NUBPL: variants seen among roughly 807,000 people sequenced by gnomAD.
NUBPL encodes the protein NUBP iron-sulfur cluster assembly factor, mitochondrial, also known as iron-sulfur cluster transfer protein NUBPL.
A neutral mutation model predicts 45.7 loss-of-function variants in NUBPL; 31 were observed. The ratio of observed to expected loss-of-function variants is 0.68; its 90% confidence interval spans 0.51 to 0.92. The LOEUF is 0.92. Among genes scored for constraint, NUBPL ranks in the 40% least tolerant of loss-of-function variants. The pLI is 0.00. For synonymous variants in NUBPL, 144 were observed against 140.9 expected (o/e 1.02, Z -0.15); for missense variants, 401 against 398.7 (o/e 1.01, Z -0.05).
intron 6 of NUBPL, among the ~76,000 whole-genome samples, chr14:31,711,940 G>T (rs563033825): frequency 6.6e-6 from 1 of 152,266 alleles, no homozygotes; most frequent in South Asian, 2.1e-4. Flanking sequence ...GGTCTCGCTG[G>T]CTTCAGGAGT....
chr14:31,678,932 G>A (rs769770635), intron 6 of NUBPL, among the ~76,000 whole-genome samples: 1 of 152,294 alleles, frequency 6.6e-6, no homozygotes, highest in South Asian at 2.1e-4. Flanking sequence ...ACTCCAGCTC[G>A]TGGTGTTGAG....
intron 4 of NUBPL, among the ~76,000 whole-genome samples, chr14:31,658,454 ATAT>A (rs2036192288): frequency 6.6e-6 from 1 of 152,204 alleles, no homozygotes; most frequent in Admixed American, 6.5e-5. Context: ...ATAATAAATA[ATAT>A]TTCACTGCAC....
intron 6 of NUBPL, among the ~76,000 whole-genome samples, chr14:31,714,004 T>A (rs988482356): frequency 6.6e-6 from 1 of 152,228 alleles, no homozygotes; most frequent in Non-Finnish European, 1.5e-5. Flanking sequence ...ACTGATTGGC[T>A]ATGTAGAAAC....
intron 6 of NUBPL, among the ~76,000 whole-genome samples, chr14:31,692,747 A>G (rs2037121359): frequency 6.6e-6 from 1 of 152,246 alleles, no homozygotes; most frequent in South Asian, 2.1e-4. Flanking sequence ...GGTTTCCTAA[A>G]GAATTTTGAT....
chr14:31,802,128 A>G (rs1009818352), intron 7 of NUBPL, among the ~76,000 whole-genome samples: 4 of 152,226 alleles, frequency 2.6e-5, no homozygotes, highest in Non-Finnish European at 4.4e-5. Context: ...GAATGCCCTT[A>G]TCCCAGGAAT....
chr14:31,716,272 G>A (rs1307747963), intron 6 of NUBPL, among the ~76,000 whole-genome samples: 1 of 152,180 alleles, frequency 6.6e-6, no homozygotes, highest in Non-Finnish European at 1.5e-5. Context: ...ACACTCTATA[G>A]TAATGATAAA....
chr14:31,616,276 G>A (rs1328258917), intron 4 of NUBPL, among the ~76,000 whole-genome samples: 1 of 152,142 alleles, frequency 6.6e-6, no homozygotes, highest in Non-Finnish European at 1.5e-5. Flanking sequence ...CTGTGCAGAA[G>A]CTCTTTAGTT....
intron 7 of NUBPL, among the ~76,000 whole-genome samples, chr14:31,814,661 T>C (rs1371962479): frequency 6.6e-6 from 1 of 152,194 alleles, no homozygotes; most frequent in African/African-American, 2.4e-5. Flanking sequence ...AGGGTTTTCA[T>C]GGTTTTAGGT....
chr14:31,656,638 A>G (rs1034657131), intron 4 of NUBPL, among the ~76,000 whole-genome samples: 53 of 152,282 alleles, frequency 3.5e-4, no homozygotes, highest in African/African-American at 1.3e-3. Context: ...CACACACACA[A>G]CATATATTGA....
chr14:31,709,411 A>T (rs1368671160), intron 6 of NUBPL, among the ~76,000 whole-genome samples: 2 of 152,188 alleles, frequency 1.3e-5, no homozygotes, highest in Non-Finnish European at 2.9e-5. Flanking sequence ...AGTCCCCATG[A>T]TCTGAGTCAA....
chr14:31,616,246 T>C (rs1289392768), intron 4 of NUBPL, among the ~76,000 whole-genome samples: 2 of 152,178 alleles, frequency 1.3e-5, no homozygotes, highest in African/African-American at 4.8e-5. Context: ...GCCTGTTCAC[T>C]CTGATGATAG....
At chr14:31,720,676 T>C (rs1207049360) in intron 6 of NUBPL, among the ~76,000 whole-genome samples, 7 of 152,204 alleles carry the variant, frequency 4.6e-5, no homozygotes, top group African/African-American at 1.2e-4. Context: ...TGCTGTCCAA[T>C]ACAGTAACTA....
At chr14:31,660,845 T>A (rs2036251392) in intron 4 of NUBPL, among the ~76,000 whole-genome samples, 1 of 152,182 alleles carries the variant, frequency 6.6e-6, no homozygotes. Context: ...CATGGTGACA[T>A]CTACTACATA....
chr14:31,681,239 T>A (rs1178798521), intron 6 of NUBPL, among the ~76,000 whole-genome samples: 4 of 151,864 alleles, frequency 2.6e-5, no homozygotes, highest in Non-Finnish European at 5.9e-5. Flanking sequence ...TGACTAATTC[T>A]ATTCAGATTT....
At chr14:31,645,069 C>CT (rs34958203) in intron 4 of NUBPL, among the ~76,000 whole-genome samples, 1,678 of 139,708 alleles carry the variant, frequency 0.012, 24 homozygotes, top group African/African-American at 0.037. Flanking sequence ...TTTTTCTTTT[C>CT]TTTTTTTTTT....
chr14:31,734,882 T>C (rs2038131853), intron 6 of NUBPL, among the ~76,000 whole-genome samples: 1 of 152,240 alleles, frequency 6.6e-6, no homozygotes, highest in Non-Finnish European at 1.5e-5. Flanking sequence ...ATCTGGCGTT[T>C]AACCTCCAGG....
At position 31,833,835 on chromosome 14, in the gene NUBPL, C is replaced by T. The variant is rs80138704; in HGVS notation, c.693+7121C>T. Among the ~76,000 whole-genome samples, 546 of 152,278 alleles carry T rather than the reference C, an allele frequency of 3.6e-3. 7 individuals carry two copies. The highest frequency in any genetic ancestry group is 0.012 in the African/African-American group (512 of 41,560). ...CCTAGATGTGATACACATACTTCTG[C>T]GCACATTCTATTAGCTAAAATCAGT... On this transcript the variant is annotated intron_variant, in intron 8 of 10. Transcript: ENST00000281081.
At chr14:31,639,531 G>T (rs1316067165) in intron 4 of NUBPL, among the ~76,000 whole-genome samples, 1 of 152,136 alleles carries the variant, frequency 6.6e-6, no homozygotes, top group Non-Finnish European at 1.5e-5. Context: ...GGGGGTTAGG[G>T]GTCAGGGACC....
intron 9 of NUBPL, among the ~76,000 whole-genome samples, chr14:31,849,300 A>G (rs2040502568): frequency 6.6e-6 from 1 of 152,196 alleles, no homozygotes; most frequent in Non-Finnish European, 1.5e-5. Flanking sequence ...GGTTCTGAGA[A>G]CGCTAAGTAC....
Sources: allele counts gnomAD v4.1 joint callset (sites outside exome capture counted in the v4.1 genomes callset), GRCh38; gene constraint gnomAD v4.1.1; transcripts MANE v1.5; gene names NCBI Gene and HGNC (gene_info 2026-07-23, HGNC 2026-07-21).